The following GULP1 variants were observed in gnomAD, a reference collection of about 807,000 sequenced individuals.
GULP1 encodes the protein PTB domain-containing engulfment adapter protein 1.
A neutral mutation model predicts 40.9 loss-of-function variants in GULP1; 19 were observed. The ratio of observed to expected loss-of-function variants is 0.46; its 90% CI spans 0.32 to 0.68. The LOEUF (loss-of-function observed/expected upper bound fraction) is 0.68, where lower values mean the gene tolerates loss of function less well. Among genes scored for constraint, GULP1 ranks in the 30% least tolerant of loss-of-function variants. The pLI, the probability that GULP1 is intolerant of heterozygous loss-of-function variation, is 0.03. For missense variants in GULP1, 312 were observed against 362.2 expected (o/e 0.86, Z 1.12); for synonymous variants, 119 against 117.6 (o/e 1.01, Z -0.08).
At chr2:188,528,906 A>T (rs975903773) in intron 5 of GULP1, among the ~76,000 whole-genome samples, 191 bp from the exon 6 acceptor site, 4 of 152,196 alleles carry the variant, frequency 2.6e-5, no homozygotes, top group Non-Finnish European at 4.4e-5. Context: ...CTGAAAATCA[A>T]TGTGAATTAT....
intron 2 of GULP1, among the ~76,000 whole-genome samples, chr2:188,463,868 A>T (rs1432876581): frequency 2.0e-5 from 3 of 151,766 alleles, no homozygotes; most frequent in African/African-American, 4.8e-5. Flanking sequence ...AATTATTTCA[A>T]TGTCTTTTTT....
At chr2:188,549,005 A>C (rs1428116557) in intron 7 of GULP1, among the ~76,000 whole-genome samples, 1 of 151,896 alleles carries the variant, frequency 6.6e-6, no homozygotes, top group African/African-American at 2.4e-5. Context: ...TAAAACATTT[A>C]GAAAAAAAAC....
chr2:188,467,065 A>C (rs924004255), intron 2 of GULP1, among the ~76,000 whole-genome samples: 1 of 152,122 alleles, frequency 6.6e-6, no homozygotes, highest in Non-Finnish European at 1.5e-5. Flanking sequence ...TTCCCTTAGA[A>C]GTATGAATCA....
At chr2:188,432,915 T>C (rs543601636) in intron 2 of GULP1, among the ~76,000 whole-genome samples, 1 of 152,054 alleles carries the variant, frequency 6.6e-6, no homozygotes, top group Admixed American at 6.6e-5. Flanking sequence ...AAAGATCATA[T>C]TGCTTTTACT....
chr2:188,560,765 AG>A (rs1696044827), intron 7 of GULP1, among the ~76,000 whole-genome samples: 1 of 152,228 alleles, frequency 6.6e-6, no homozygotes, highest in South Asian at 2.1e-4. Flanking sequence ...AAGGCAAAGC[AG>A]GTGCAGCCAT....
chr2:188,403,701 C>T (rs2052641698), intron 2 of GULP1, among the ~76,000 whole-genome samples: 1 of 152,108 alleles, frequency 6.6e-6, no homozygotes, highest in African/African-American at 2.4e-5. Flanking sequence ...GGACTGTCAA[C>T]CAAAAGGTGG....
chr2:188,495,371 A>G (rs1424441534), intron 4 of GULP1, among the ~76,000 whole-genome samples: 1 of 152,078 alleles, frequency 6.6e-6, no homozygotes, highest in Non-Finnish European at 1.5e-5. Flanking sequence ...TTTAAGTCTT[A>G]GCAAACACCT....
chr2:188,386,349 A>G (rs888401617), intron 2 of GULP1, among the ~76,000 whole-genome samples: 3 of 152,202 alleles, frequency 2.0e-5, no homozygotes, highest in South Asian at 2.1e-4. Context: ...ATCACCTTCC[A>G]CAAGGTTTCT....
At chr2:188,406,792 A>C (rs2053174789) in intron 2 of GULP1, among the ~76,000 whole-genome samples, 1 of 152,144 alleles carries the variant, frequency 6.6e-6, no homozygotes, top group Non-Finnish European at 1.5e-5. Context: ...AAAGGGGAAG[A>C]AAATTTAAAG....
At chr2:188,523,193 G>A (rs1685284363) in intron 5 of GULP1, among the ~76,000 whole-genome samples, 1 of 152,144 alleles carries the variant, frequency 6.6e-6, no homozygotes, top group African/African-American at 2.4e-5. Context: ...GTCTTTAAAA[G>A]CTAAGATATA....
At chr2:188,474,505 T>C (rs1428027812) in intron 2 of GULP1, among the ~76,000 whole-genome samples, 1 of 152,184 alleles carries the variant, frequency 6.6e-6, no homozygotes, top group Non-Finnish European at 1.5e-5. Context: ...GTTTTCCTTT[T>C]TGTTATAACA....
At chr2:188,493,477 TAC>T (rs1006724561) in intron 4 of GULP1, among the ~76,000 whole-genome samples, 1 of 152,108 alleles carries the variant, frequency 6.6e-6, no homozygotes, top group African/African-American at 2.4e-5. Flanking sequence ...TTCTTTTTTC[TAC>T]TCCCCTTGGG....
intron 2 of GULP1, among the ~76,000 whole-genome samples, chr2:188,452,624 G>A (rs868175886): frequency 6.6e-6 from 1 of 152,196 alleles, no homozygotes; most frequent in African/African-American, 2.4e-5. Context: ...AACAACAAAT[G>A]GTAGGTCCCT....
intron 1 of GULP1, among the ~76,000 whole-genome samples, chr2:188,313,645 G>C (rs2038566454): frequency 6.6e-6 from 1 of 152,080 alleles, no homozygotes; most frequent in African/African-American, 2.4e-5. Flanking sequence ...TTCTAATTCT[G>C]TGAAGAATGT....
rs2062875227 is a variant in GULP1, at chr2:188,496,161, TGCAGGTTCAGATAA to T, written c.90+12672_90+12685del. On this transcript the variant is annotated intron_variant, in intron 4 of 11. Coordinates refer to ENST00000409830, the MANE Select transcript of GULP1 (RefSeq NM_016315.4). ...GCATGAGTCACCTCACCCCAGATTC[TGCAGGTTCAGATAA>T]GCGATAGTATCTTGAGCATCAAAGT... Among the ~76,000 whole-genome samples the T allele has an allele frequency of 7.9e-5, 12 of 152,176 alleles. No individual in the cohort carries two copies. In the South Asian group the frequency reaches 2.3e-3, roughly 29 times the overall value.
chr2:188,549,513 A>G (rs1692897968), intron 7 of GULP1, among the ~76,000 whole-genome samples: 1 of 151,970 alleles, frequency 6.6e-6, no homozygotes, highest in East Asian at 1.9e-4. Flanking sequence ...GAATGGGGAA[A>G]AAGTACATCA....
rs1242880928 is a variant in GULP1, at chr2:188,292,312, GC to G, written c.-172+147del. The G allele has an allele frequency of 6.5e-6, 1 of 152,734 alleles. No individual in the cohort carries two copies. Among genetic ancestry groups the G allele is most frequent in the Admixed American group, 6.5e-5 (1 of 15,294 alleles). The allele number at this position is 152,734 out of a possible 1,614,324, so 9.5% of individuals were successfully genotyped here. On this transcript the variant is annotated intron_variant, in intron 1 of 11. Coordinates refer to ENST00000409830, the MANE Select transcript of GULP1 (RefSeq NM_016315.4). The surrounding 1 kb of genome is among the most constrained non-coding windows in gnomAD (Gnocchi z 4.0). ...TGCCCGGGAAGGAGGGCGCGGGGCTGCGCGTAGCCGCTGGCCAGCAGGTTGT... is the reference window on the plus strand; with the variant it reads ...TGCCCGGGAAGGAGGGCGCGGGGCTGGCGTAGCCGCTGGCCAGCAGGTTGT...
At position 188,466,019 on chromosome 2, in the gene GULP1, C is replaced by A. The variant is rs1030525256; in HGVS notation, c.-44-11640C>A. Among the ~76,000 whole-genome samples, 17 of 151,588 alleles carry A rather than the reference C, an allele frequency of 1.1e-4. No homozygotes were observed. In the East Asian group the frequency reaches 3.3e-3, roughly 30 times the overall value. On this transcript the variant is annotated intron_variant, in intron 2 of 11. Transcript: ENST00000409830. ...GATAGTTGTTAACTTGGTGTCCTCA[C>A]TGGGGGGACAATTGAGAGAGCCTTC... is the stretch of plus-strand genomic sequence containing the variant.
At chr2:188,558,770 C>G (rs1369781258) in intron 7 of GULP1, among the ~76,000 whole-genome samples, 2 of 152,172 alleles carry the variant, frequency 1.3e-5, no homozygotes, top group African/African-American at 4.8e-5. Context: ...GGAACTGAAG[C>G]AGAGGTAACT....
Sources: gnomAD v4.1 joint callset for allele counts (sites outside exome capture counted in the v4.1 genomes callset) on GRCh38, gnomAD v4.1.1 for gene constraint, Gnocchi (gnomAD v3.1) non-coding constraint, MANE v1.5 for transcripts, NCBI Gene and HGNC (gene_info 2026-07-23, HGNC 2026-07-21) for gene names.